The following TRDN variants were observed in gnomAD, a reference collection of about 807,000 sequenced individuals.
The protein encoded by TRDN is triadin.
A neutral mutation model predicts 149.7 loss-of-function variants in TRDN; 161 were observed. That is an observed-to-expected ratio of 1.08 (90% confidence interval 0.95 to 1.23). TRDN has a LOEUF of 1.23. TRDN is among the 50% of genes most tolerant of loss of function. TRDN has a pLI of 0.00. For synonymous variants in TRDN, 294 were observed against 250.5 expected (o/e 1.17, Z -1.64); for missense variants, 896 against 823.5 (o/e 1.09, Z -1.08).
At chr6:123,455,383 G>GA (rs71682607) in intron 10 of TRDN, among the ~76,000 whole-genome samples, 25,488 of 150,896 alleles carry the variant, frequency 0.17, 2,301 homozygotes, top group South Asian at 0.29. Flanking sequence ...TTTCTATATA[G>GA]AGTGAAACAA....
intron 10 of TRDN, chr6:123,462,842 G>A (rs181682871): frequency 6.6e-6 from 1 of 152,034 alleles, no homozygotes; most frequent in African/African-American, 2.4e-5. Flanking sequence ...TTATGTTAAC[G>A]AAGTCATAGG....
intron 38 of TRDN, among the ~76,000 whole-genome samples, chr6:123,231,522 T>C (rs1241713167): frequency 6.6e-6 from 1 of 152,020 alleles, no homozygotes. Flanking sequence ...GCACCTACAA[T>C]AGGTATAGAA....
intron 10 of TRDN, among the ~76,000 whole-genome samples, chr6:123,443,044 C>G (rs1180197364): frequency 6.6e-6 from 1 of 151,968 alleles, no homozygotes; most frequent in African/African-American, 2.4e-5. Flanking sequence ...TCCTTATTTA[C>G]CAAGTGAAAT....
At chr6:123,286,066 A>T (rs61006017) in intron 24 of TRDN, among the ~76,000 whole-genome samples, 5,850 of 152,260 alleles carry the variant, frequency 0.038, 343 homozygotes, top group African/African-American at 0.13. Flanking sequence ...ACACTTCTAC[A>T]CTGCTGGTGG....
intron 7 of TRDN, among the ~76,000 whole-genome samples, chr6:123,505,244 CAAAAAAAAAAAA>C (rs34096424): frequency 0.17 from 13,518 of 77,688 alleles, 1,015 homozygotes; most frequent in Middle Eastern, 0.29. Context: ...AACTCTGTCT[CAAAAAAAAAAAA>C]AAAAAAAAAA....
intron 1 of TRDN, among the ~76,000 whole-genome samples, chr6:123,586,379 G>A (rs1374368176): frequency 6.6e-6 from 1 of 152,028 alleles, no homozygotes; most frequent in Non-Finnish European, 1.5e-5. Flanking sequence ...AGAAAAGGAA[G>A]AGTAGAAAGA....
intron 19 of TRDN, among the ~76,000 whole-genome samples, chr6:123,370,450 A>G (rs1224084668): frequency 6.6e-6 from 1 of 152,194 alleles, no homozygotes; most frequent in Admixed American, 6.5e-5. Context: ...GCTGTCTAGC[A>G]TTCCAATGTT....
At chr6:123,400,848 T>A (rs1772937531) in intron 12 of TRDN, among the ~76,000 whole-genome samples, 1 of 152,286 alleles carries the variant, frequency 6.6e-6, no homozygotes, top group Admixed American at 6.5e-5. Flanking sequence ...ACCACTTTTA[T>A]CTCCTTACCC....
intron 1 of TRDN, among the ~76,000 whole-genome samples, chr6:123,622,189 T>C (rs1401715998): frequency 1.3e-5 from 2 of 152,084 alleles, no homozygotes; most frequent in Non-Finnish European, 2.9e-5. Context: ...TGAAGGTCTT[T>C]ATGATGATCC....
chr6:123,582,404 T>C (rs1482814748), intron 1 of TRDN, among the ~76,000 whole-genome samples: 1 of 151,616 alleles, frequency 6.6e-6, no homozygotes, highest in Non-Finnish European at 1.5e-5. Flanking sequence ...TTATTTCACC[T>C]GGGTGCAGGT....
intron 21 of TRDN, 23 bp from the exon 22 acceptor site, chr6:123,337,692 A>C: frequency 7.1e-7 from 1 of 1,398,864 alleles, no homozygotes; most frequent in Non-Finnish European, 9.6e-7. Context: ...TCATGGGAAG[A>C]AAAAGTTACA....
chr6:123,511,017 AC>A (rs1378581224), intron 7 of TRDN, among the ~76,000 whole-genome samples: 1 of 152,094 alleles, frequency 6.6e-6, no homozygotes. Context: ...TGCTTTGGTT[AC>A]CTATGCTTTT....
chr6:123,386,314 T>G (rs1781904545), intron 14 of TRDN, among the ~76,000 whole-genome samples: 1 of 152,210 alleles, frequency 6.6e-6, no homozygotes, highest in African/African-American at 2.4e-5. Context: ...TGTATGAATG[T>G]TCATAGAAGG....
rs1781287411 is a variant in TRDN at position 123,370,593 on chromosome 6, T to C, written c.1274-4411A>G. 2.6e-5 allele frequency among the ~76,000 whole-genome samples: 4 copies of C among 152,130 alleles called. No individual in the cohort carries two copies. In the South Asian group the frequency reaches 8.3e-4, roughly 32 times the overall value. Reference sequence around the variant, plus strand: ...TTTTGCACATGTGCAATAATTTTCATAGAAGTGAAATTGCTAGGCATGTAC... The same window carrying C: ...TTTTGCACATGTGCAATAATTTTCACAGAAGTGAAATTGCTAGGCATGTAC... On this transcript the variant is annotated intron_variant, in intron 19 of 40. Transcript: ENST00000334268.
At chr6:123,345,521 G>A (rs7774324) in intron 21 of TRDN, among the ~76,000 whole-genome samples, 141,113 of 152,014 alleles carry the variant, frequency 0.93, 65,553 homozygotes, top group East Asian at 0.99. Flanking sequence ...TCATTTTCCA[G>A]TGCTGTGTTG....
intron 23 of TRDN, among the ~76,000 whole-genome samples, chr6:123,323,779 A>G (rs772259497): frequency 1.3e-5 from 2 of 152,140 alleles, no homozygotes; most frequent in Non-Finnish European, 2.9e-5. Flanking sequence ...TGTCTTTTGT[A>G]TATGCTAAAT....
chr6:123,427,081 T>G (rs1184903323), intron 12 of TRDN, among the ~76,000 whole-genome samples: 4 of 152,104 alleles, frequency 2.6e-5, no homozygotes, highest in South Asian at 4.1e-4. Context: ...AATTAATCAT[T>G]ATTCCACATG....
At chr6:123,498,519 C>T (rs926746921) in intron 8 of TRDN, 5 of 470,094 alleles carry the variant, frequency 1.1e-5, no homozygotes, top group Non-Finnish European at 2.2e-5. Context: ...GAAATTGGAG[C>T]ACATTTTCCC....
chr6:123,235,597 T>A (rs761999112), intron 38 of TRDN, among the ~76,000 whole-genome samples: 1 of 152,062 alleles, frequency 6.6e-6, no homozygotes, highest in Non-Finnish European at 1.5e-5. Flanking sequence ...GTAAATTGAG[T>A]TTTTCAGTGC....
Sources: gnomAD v4.1 joint callset for allele counts (sites outside exome capture counted in the v4.1 genomes callset) on GRCh38, gnomAD v4.1.1 for gene constraint, MANE v1.5 for transcripts, NCBI Gene and HGNC (gene_info 2026-07-23, HGNC 2026-07-21) for gene names.